ACOXL: variants seen among roughly 807,000 people sequenced by gnomAD.
ACOXL encodes the protein acyl-coenzyme A oxidase-like protein.
Under a neutral mutation model 71.9 loss-of-function variants are expected in ACOXL, and 70 were observed. The ratio of observed to expected loss-of-function variants is 0.97; its 90% confidence interval spans 0.80 to 1.19. The LOEUF (loss-of-function observed/expected upper bound fraction) is 1.19, where lower values mean the gene tolerates loss of function less well. Among genes scored for constraint, ACOXL ranks in the 50% most tolerant of loss-of-function variants. The probability of loss-of-function intolerance (pLI) is 0.00; values close to 1 mark genes in which losing one functional copy is unlikely to be tolerated. For synonymous variants in ACOXL, 253 were observed against 281.6 expected, an observed-to-expected ratio of 0.90 and a Z score of 1.02; for missense variants, 703 against 736.3, an observed-to-expected ratio of 0.95 and a Z score of 0.52.
At chr2:110,982,093 C>G (rs1012087411) in intron 12 of ACOXL, among the ~76,000 whole-genome samples, 15 of 152,186 alleles carry the variant, frequency 9.9e-5, no homozygotes, top group Admixed American at 6.5e-4. Flanking sequence ...TCAGATCCAT[C>G]CATCCTTCCT....
chr2:111,102,582 GTCC>G (rs1171555063), intron 17 of ACOXL, among the ~76,000 whole-genome samples: 3 of 151,914 alleles, frequency 2.0e-5, no homozygotes, highest in Non-Finnish European at 4.4e-5. Context: ...CATACCCTCG[GTCC>G]AGGATGCACA....
chr2:110,734,937 CTG>C (rs551429484), intron 1 of ACOXL, among the ~76,000 whole-genome samples: 7 of 152,112 alleles, frequency 4.6e-5, no homozygotes, highest in Admixed American at 4.6e-4. Flanking sequence ...ATCAATGCTG[CTG>C]TGTTATGAAG....
rs534587443 is a variant in ACOXL, at chr2:110,737,995, A to T, written c.-23+5221A>T. ...TTATGACTGCTTTGGTCAACAGAAG[A>T]TAGCTGAGATGACAGTGTGACAGTT... On this transcript the variant is annotated intron_variant, in intron 1 of 17. Transcript: ENST00000439055. 2.4e-4 allele frequency among the ~76,000 whole-genome samples: 37 copies of T among 152,312 alleles called. No individual in the cohort carries two copies. The South Asian group carries it at 7.7e-3, about 32-fold the overall frequency.
intron 9 of ACOXL, among the ~76,000 whole-genome samples, chr2:110,805,834 T>TGAGAC (rs1277792401): frequency 1.3e-5 from 2 of 152,172 alleles, no homozygotes; most frequent in Non-Finnish European, 2.9e-5. Flanking sequence ...CTGGAGGCCA[T>TGAGAC]GAGACCAGAC....
intron 7 of ACOXL, among the ~76,000 whole-genome samples, chr2:110,799,686 C>G (rs937945134): frequency 6.6e-6 from 1 of 152,176 alleles, no homozygotes; most frequent in Non-Finnish European, 1.5e-5. Context: ...ACTTGGAGAA[C>G]TTTTCTGTCT....
intron 5 of ACOXL, among the ~76,000 whole-genome samples, chr2:110,794,522 A>C (rs1685048353): frequency 6.6e-6 from 1 of 152,176 alleles, no homozygotes. Flanking sequence ...GCAGGAACAG[A>C]CTGGAGGAGA....
At chr2:110,868,533 A>G (rs1694888377) in intron 10 of ACOXL, among the ~76,000 whole-genome samples, 1 of 152,080 alleles carries the variant, frequency 6.6e-6, no homozygotes, top group East Asian at 1.9e-4. Context: ...TTTGTTTTCC[A>G]TTCTCTTCTT....
intron 12 of ACOXL, among the ~76,000 whole-genome samples, chr2:110,952,814 A>T (rs1005824504): frequency 6.6e-6 from 1 of 152,128 alleles, no homozygotes; most frequent in African/African-American, 2.4e-5. Flanking sequence ...CTTAATTTGA[A>T]TGTTATCTTC....
intron 13 of ACOXL, among the ~76,000 whole-genome samples, chr2:110,992,992 T>C (rs2062223): frequency 0.83 from 126,650 of 152,242 alleles, 53,154 homozygotes; most frequent in Middle Eastern, 0.95. Flanking sequence ...CTGTACCTGC[T>C]ATATCACTAT....
intron 12 of ACOXL, among the ~76,000 whole-genome samples, chr2:110,985,569 T>A (rs7583450): frequency 0.037 from 5,628 of 152,244 alleles, 351 homozygotes; most frequent in African/African-American, 0.13. Context: ...CAGCCTCGAA[T>A]GCAGATGCCC....
intron 10 of ACOXL, among the ~76,000 whole-genome samples, chr2:110,890,690 T>A (rs569055782): frequency 6.6e-5 from 10 of 152,316 alleles, no homozygotes; most frequent in Non-Finnish European, 1.5e-4. Context: ...TATGCCAGTA[T>A]CACCTTTTCT....
chr2:110,890,043 G>A (rs568267614), intron 10 of ACOXL, among the ~76,000 whole-genome samples: 2 of 152,176 alleles, frequency 1.3e-5, no homozygotes, highest in African/African-American at 4.8e-5. Context: ...ATTTACATTT[G>A]CCTAATGACT....
intron 16 of ACOXL, among the ~76,000 whole-genome samples, chr2:111,072,271 A>G (rs2149933654): frequency 6.6e-6 from 1 of 152,322 alleles, no homozygotes; most frequent in South Asian, 2.1e-4. Flanking sequence ...CTGGTAACCA[A>G]TGATCTATTA....
At chr2:110,751,384 G>C (rs1678943776) in intron 1 of ACOXL, among the ~76,000 whole-genome samples, 1 of 150,802 alleles carries the variant, frequency 6.6e-6, no homozygotes, top group Non-Finnish European at 1.5e-5. Context: ...CCACTACCTA[G>C]ATTCTGGCAT....
intron 17 of ACOXL, among the ~76,000 whole-genome samples, chr2:111,116,483 ACTGAAAACCTGAAATGCT>A (rs150784178): frequency 0.11 from 17,207 of 151,878 alleles, 1,025 homozygotes; most frequent in East Asian, 0.26. Context: ...TTGGGACCTC[ACTGAAAACCTGAAATGCT>A]CTGAAAACCT....
intron 10 of ACOXL, among the ~76,000 whole-genome samples, chr2:110,853,807 G>T (rs540438608): frequency 1.3e-5 from 2 of 151,888 alleles, no homozygotes; most frequent in Admixed American, 1.3e-4. Flanking sequence ...ACAGATAATT[G>T]GAAAGGAACT....
chr2:110,891,641 G>A (rs1245846281), intron 10 of ACOXL, among the ~76,000 whole-genome samples: 1 of 151,952 alleles, frequency 6.6e-6, no homozygotes, highest in African/African-American at 2.4e-5. Context: ...TCCATTTGCT[G>A]TATGCCTTAG....
Position 111,117,883 on chromosome 2 carries a change from A to G in ACOXL, c.*67A>G, listed in dbSNP as rs1347018093. On this transcript the variant is annotated 3_prime_UTR_variant, in exon 18 of 18. Transcript: ENST00000439055. ...CGACGCTCGCTCCACCGACGCCCAGAGCTGTGGCCGAGGCCGGGGGCTGGC... is the reference window on the plus strand; with the variant it reads ...CGACGCTCGCTCCACCGACGCCCAGGGCTGTGGCCGAGGCCGGGGGCTGGC... The G allele has an allele frequency of 3.4e-6, 5 of 1,488,464 alleles. No homozygotes were observed. Among genetic ancestry groups the G allele is most frequent in the Non-Finnish European group, 4.5e-6 (5 of 1,116,894 alleles). The allele number at this position is 1,488,464 out of a possible 1,614,324, so 92.2% of individuals were successfully genotyped here.
At chr2:110,940,602 C>G (rs187743230) in intron 12 of ACOXL, among the ~76,000 whole-genome samples, 118 of 152,322 alleles carry the variant, frequency 7.7e-4, no homozygotes, top group Non-Finnish European at 1.3e-3. Context: ...CAGCCCCTCA[C>G]GTTTGGCCTC....
Sources: gnomAD v4.1 joint callset for allele counts (sites outside exome capture counted in the v4.1 genomes callset) on GRCh38, gnomAD v4.1.1 for gene constraint, MANE v1.5 for transcripts, NCBI Gene and HGNC (gene_info 2026-07-23, HGNC 2026-07-21) for gene names.